PPM1B: variants seen among roughly 807,000 people sequenced by gnomAD.
PPM1B encodes protein phosphatase 1B.
A neutral mutation model predicts 43.0 loss-of-function variants in PPM1B; 22 were observed. The observed-to-expected ratio is 0.51, with a 90% CI of 0.37 to 0.73. PPM1B has a LOEUF of 0.73. PPM1B is among the 30% of genes least tolerant of loss of function. The pLI is 0.00. For missense variants in PPM1B, 632 were observed against 584.2 expected (o/e 1.08, Z -0.84); for synonymous variants, 217 against 197.9 (o/e 1.10, Z -0.81).
chr2:44,225,336 T>C (rs1558428592), intron 5 of PPM1B, among the ~76,000 whole-genome samples: 2 of 152,126 alleles, frequency 1.3e-5, no homozygotes, highest in Non-Finnish European at 2.9e-5. Context: ...TAAAAATAGG[T>C]GTGCTATATC....
chr2:44,244,225 C>T, intron 5 of PPM1B: 2 of 1,294,360 alleles, frequency 1.5e-6, no homozygotes, highest in Non-Finnish European at 2.0e-6. Context: ...TCATATCCAC[C>T]AGATGGCAGT....
intron 5 of PPM1B, among the ~76,000 whole-genome samples, chr2:44,244,009 C>G (rs1356295504): frequency 8.8e-6 from 1 of 113,328 alleles, no homozygotes; most frequent in South Asian, 2.8e-4. Flanking sequence ...GTCCCCAGTA[C>G]AGTTTTGTAA....
At chr2:44,205,361 G>GTGTCGGGGTGTGTGTGTGTGTGTGTGTC (rs1669138215) in intron 2 of PPM1B, among the ~76,000 whole-genome samples, 1 of 151,022 alleles carries the variant, frequency 6.6e-6, no homozygotes, top group African/African-American at 2.4e-5. Context: ...GTGGGTGTGT[G>GTGTCGGGGTGTGTGTGTGTGTGTGTGTC]TGTGTGTGTG....
At chr2:44,204,226 C>T (rs975651227) in intron 2 of PPM1B, among the ~76,000 whole-genome samples, 4 of 152,122 alleles carry the variant, frequency 2.6e-5, no homozygotes, top group Admixed American at 1.3e-4. Flanking sequence ...TGTTTAACTT[C>T]GTAATTTTGT....
At chr2:44,183,390 C>T (rs1205874729) in intron 1 of PPM1B, among the ~76,000 whole-genome samples, 1 of 152,138 alleles carries the variant, frequency 6.6e-6, no homozygotes. Context: ...GTTTTGGAAA[C>T]AAATATCTGC....
At chr2:44,169,996 C>T (rs1004987991) in intron 1 of PPM1B, among the ~76,000 whole-genome samples, 1 of 152,124 alleles carries the variant, frequency 6.6e-6, no homozygotes, top group Non-Finnish European at 1.5e-5. Context: ...ATAGTTTAAG[C>T]CTAACAACCT....
intron 2 of PPM1B, among the ~76,000 whole-genome samples, chr2:44,208,116 C>T (rs1186733502): frequency 6.6e-6 from 1 of 151,276 alleles, no homozygotes; most frequent in African/African-American, 2.4e-5. Context: ...TCTTGAACCC[C>T]TCACCTTGTG....
At chr2:44,195,765 A>G (rs1260347174) in intron 1 of PPM1B, among the ~76,000 whole-genome samples, 3 of 152,336 alleles carry the variant, frequency 2.0e-5, no homozygotes, top group East Asian at 3.9e-4. Context: ...CAATCTGAAC[A>G]AGACTTAGTG....
At chr2:44,209,363 A>G (rs559482422) in intron 3 of PPM1B, 36 bp downstream of exon 3, 1 of 1,609,628 alleles carries the variant, frequency 6.2e-7, no homozygotes, top group South Asian at 1.1e-5. Flanking sequence ...TAGACAGGCC[A>G]GGCACGGTAG....
intron 5 of PPM1B, among the ~76,000 whole-genome samples, chr2:44,222,929 C>G (rs1670041045): frequency 6.6e-6 from 1 of 152,166 alleles, no homozygotes; most frequent in Non-Finnish European, 1.5e-5. Context: ...CTCCCAGGCT[C>G]AAGCGATCCT....
downstream of PPM1B, among the ~76,000 whole-genome samples, chr2:44,237,911 A>G (rs1670659934): frequency 6.6e-6 from 1 of 151,988 alleles, no homozygotes; most frequent in Non-Finnish European, 1.5e-5. Context: ...ATTATTTATT[A>G]TTATTTGAGA....
At chr2:44,235,206 T>C (rs1670577327), downstream of PPM1B, among the ~76,000 whole-genome samples, 1 of 152,256 alleles carries the variant, frequency 6.6e-6, no homozygotes, top group Non-Finnish European at 1.5e-5. Flanking sequence ...ACCTTCTGGC[T>C]ATGCATGATT....
rs543994255 is a variant in PPM1B at position 44,223,860 on chromosome 2, A to T, written c.1134+5323A>T. Among the ~76,000 whole-genome samples the T allele has an allele frequency of 1.6e-4, 23 of 147,956 alleles. No individual in the cohort carries two copies. The South Asian group carries it at 4.6e-3, about 29-fold the overall frequency. On this transcript the variant is annotated intron_variant, in intron 5 of 5. Transcript: ENST00000282412. The stretch of plus-strand genomic sequence containing the variant: ...AAAAAAAAAAGAGAGAGAGAGAGAA[A>T]ATGCACTAACATTAGTCACTATGTT...
intron 5 of PPM1B, among the ~76,000 whole-genome samples, chr2:44,219,566 A>G (rs1455228914): frequency 6.6e-6 from 1 of 152,216 alleles, no homozygotes; most frequent in Non-Finnish European, 1.5e-5. Flanking sequence ...AAGTGATGCT[A>G]TATATTGCTA....
At chr2:44,225,651 T>C (rs1022188272) in intron 5 of PPM1B, among the ~76,000 whole-genome samples, 4 of 152,206 alleles carry the variant, frequency 2.6e-5, no homozygotes, top group Admixed American at 2.0e-4. Flanking sequence ...CTTTTGCTTT[T>C]TATTTTTTTA....
intron 3 of PPM1B, among the ~76,000 whole-genome samples, chr2:44,216,522 G>A (rs1483077680): frequency 6.6e-6 from 1 of 152,168 alleles, no homozygotes; most frequent in African/African-American, 2.4e-5. Context: ...TAGCATTATG[G>A]TATACAGTAC....
At chr2:44,241,846 T>TAGAAAATA (rs1670751687) in intron 5 of PPM1B, among the ~76,000 whole-genome samples, 1 of 136,844 alleles carries the variant, frequency 7.3e-6, no homozygotes, top group Non-Finnish European at 1.6e-5. Context: ...TAATAAGTAT[T>TAGAAAATA]AGAAAATAAT....
intron 1 of PPM1B, among the ~76,000 whole-genome samples, 170 bp downstream of exon 1, chr2:44,169,444 C>T (rs1373202759): frequency 3.3e-5 from 5 of 152,230 alleles, no homozygotes; most frequent in Admixed American, 3.3e-4. Flanking sequence ...AGGGGAACGC[C>T]GGGCCTGGCT....
At chr2:44,169,455 C>G (rs1468050765) in intron 1 of PPM1B, among the ~76,000 whole-genome samples, 181 bp downstream of exon 1, 2 of 152,240 alleles carry the variant, frequency 1.3e-5, no homozygotes, top group Admixed American at 6.5e-5. Flanking sequence ...GGGCCTGGCT[C>G]TCGGGTATAG....
Sources: gnomAD v4.1 joint callset for allele counts (sites outside exome capture counted in the v4.1 genomes callset) on GRCh38, gnomAD v4.1.1 for gene constraint, MANE v1.5 for transcripts, NCBI Gene and HGNC (gene_info 2026-07-23, HGNC 2026-07-21) for gene names.